Variants in ITGAE observed in about 807,000 individuals in gnomAD.
ITGAE encodes the protein integrin subunit alpha E.
ITGAE carries 99 observed loss-of-function variants against 136.5 expected under a neutral mutation model. The observed-to-expected ratio is 0.73, with a 90% CI of 0.62 to 0.86. The LOEUF (loss-of-function observed/expected upper bound fraction) is 0.86, where lower values mean the gene tolerates loss of function less well. Among genes scored for constraint, ITGAE ranks in the 40% least tolerant of loss-of-function variants. ITGAE has a pLI of 0.00. For synonymous variants in ITGAE, 613 were observed against 591.8 expected (o/e 1.04, Z -0.52); for missense variants, 1,447 against 1,515.3 (o/e 0.95, Z 0.75).
rs752060300 is a variant in ITGAE, at chr17:3,753,779, G to T, written c.1527+4C>A. ...AAGGGGTGGAGGCTTTCCCCAGCAG[G>T]TACCTGCTCTCCCTCCAGCACTGGC... On this transcript the variant is annotated splice_donor_region_variant and intron_variant, in intron 13 of 30. Transcript: ENST00000263087. 17 of 1,614,106 alleles carry T rather than the reference G, an allele frequency of 1.1e-5. No individual in the cohort carries two copies. The highest frequency in any genetic ancestry group is 1.7e-4 in the Middle Eastern group (1 of 6,060).
In ITGAE at chr17:3,798,483, G is replaced by A. The variant is rs920497800; in HGVS notation, c.34+2628C>T. Reference sequence around the variant, plus strand: ...TGGTCCCTCCTATCCCCCCTGCACAGAAGGCCCCTCTGCTCACCCCCAGCC... The same window carrying A: ...TGGTCCCTCCTATCCCCCCTGCACAAAAGGCCCCTCTGCTCACCCCCAGCC... On this transcript the variant is annotated intron_variant, in intron 1 of 30. Coordinates refer to ENST00000263087, the MANE Select transcript of ITGAE (RefSeq NM_002208.5). This position sits in a 1 kb window ranked among gnomAD's most constrained non-coding sequence, Gnocchi z 4.3. Among the ~76,000 whole-genome samples, 1 of 152,016 alleles carries A rather than the reference G, an allele frequency of 6.6e-6. No individual in the cohort carries two copies. The highest frequency in any genetic ancestry group is 1.5e-5 in the Non-Finnish European group (1 of 67,988).
chr17:3,757,635 C>G, intron 9 of ITGAE, 71 bp downstream of exon 9: 1 of 1,540,308 alleles, frequency 6.5e-7, no homozygotes, highest in South Asian at 1.2e-5. Context: ...AAGCCCCCAT[C>G]GACAACCCTG....
chr17:3,782,111 C>T (rs2143361904), intron 1 of ITGAE, among the ~76,000 whole-genome samples: 1 of 151,582 alleles, frequency 6.6e-6, no homozygotes. Flanking sequence ...ACTGTCTCTA[C>T]TAAAAATACA....
chr17:3,729,731 A>G, intron 23 of ITGAE, 176 bp from the exon 24 acceptor site: 1 of 564,276 alleles, frequency 1.8e-6, no homozygotes, highest in Non-Finnish European at 3.3e-6. Flanking sequence ...AGTAGCTGGA[A>G]TTACAGGCGT....
intron 1 of ITGAE, among the ~76,000 whole-genome samples, chr17:3,778,722 A>G (rs1336801405): frequency 6.6e-6 from 1 of 152,176 alleles, no homozygotes; most frequent in Non-Finnish European, 1.5e-5. Flanking sequence ...ATTGGTTCTC[A>G]AAGTGTCCCT....
intron 2 of ITGAE, among the ~76,000 whole-genome samples, chr17:3,775,894 C>G (rs551108181): frequency 1.3e-5 from 2 of 152,062 alleles, no homozygotes; most frequent in Non-Finnish European, 2.9e-5. Flanking sequence ...AGGTGGTGAT[C>G]GCAATTCACA....
Position 3,761,447 on chromosome 17 carries a change from C to A in ITGAE, c.389G>T (p.Gly130Val). Residue 130 changes from glycine to valine, a missense_variant, in exon 5 of 31, where the codon GGC (glycine) becomes GTC (valine). Around this residue, in one of 3 missense-constraint regions of ITGAE, gnomAD observed 310 missense variants for 416.1 expected, o/e 0.74. Coordinates refer to ENST00000263087, the MANE Select transcript of ITGAE (RefSeq NM_002208.5). ...SELTGTCSLL[G>V]PDLRPQAQAN... is the part of the protein sequence containing the mutation. ...CTGAGCCTGGGGACGGAGGTCAGGGCCCAGGAGGCTACAGGTGCCTGTGAG... is the reference window on the plus strand; with the variant it reads ...CTGAGCCTGGGGACGGAGGTCAGGGACCAGGAGGCTACAGGTGCCTGTGAG... 1 of 1,613,994 alleles carries A rather than the reference C, an allele frequency of 6.2e-7. No homozygotes were observed. The highest frequency in any genetic ancestry group is 8.5e-7 in the Non-Finnish European group (1 of 1,179,990).
At chr17:3,795,925 G>A (rs974927925) in intron 1 of ITGAE, among the ~76,000 whole-genome samples, 1 of 145,624 alleles carries the variant, frequency 6.9e-6, no homozygotes, top group South Asian at 2.2e-4. Context: ...CCGTGTGTGT[G>A]CATCCGTGTG....
At chr17:3,784,658 G>T (rs1297784906) in intron 1 of ITGAE, among the ~76,000 whole-genome samples, 1 of 152,146 alleles carries the variant, frequency 6.6e-6, no homozygotes, top group East Asian at 1.9e-4. Flanking sequence ...CTCCTAAAGT[G>T]CTGGGATTAC....
intron 19 of ITGAE, among the ~76,000 whole-genome samples, chr17:3,742,456 G>GTTTTTTTTT (rs568033494): frequency 7.5e-6 from 1 of 134,178 alleles, no homozygotes; most frequent in African/African-American, 2.8e-5. Context: ...AAGGTTTGTG[G>GTTTTTTTTT]TTTTTTTTTT....
Position 3,755,103 on chromosome 17 carries a change from G to GGCCCCGCCCTCATCAGGTT in ITGAE, c.1384+13_1384+14insAACCTGATGAGGGCGGGGC. On this transcript the variant is annotated intron_variant, in intron 12 of 30. Transcript: ENST00000263087. ...TCAGGTGGCCCCGCCCTCATCAGGT[G>GGCCCCGCCCTCATCAGGTT]GCCCCGCCCTCACCCAGGTAGCTGT... 6.3e-7 allele frequency: 1 copy of GGCCCCGCCCTCATCAGGTT among 1,580,636 alleles called. No homozygotes were observed. The highest frequency in any genetic ancestry group is 2.3e-5 in the East Asian group (1 of 42,988).
At chr17:3,775,666 G>T (rs928102992) in intron 2 of ITGAE, among the ~76,000 whole-genome samples, 1 of 150,406 alleles carries the variant, frequency 6.6e-6, no homozygotes, top group African/African-American at 2.5e-5. Context: ...ACGGGGTTTC[G>T]CCAGGTTGGC....
At chr17:3,790,316 A>T (rs1355239954) in intron 1 of ITGAE, among the ~76,000 whole-genome samples, 1 of 152,102 alleles carries the variant, frequency 6.6e-6, no homozygotes, top group East Asian at 1.9e-4. Flanking sequence ...AGACCAGCCC[A>T]GCCAACACAG....
intron 2 of ITGAE, among the ~76,000 whole-genome samples, chr17:3,765,786 C>G (rs2052284250): frequency 6.6e-6 from 1 of 152,202 alleles, no homozygotes; most frequent in Non-Finnish European, 1.5e-5. Context: ...CCTTCGCGGT[C>G]TGACCTCTAT....
At position 3,799,719 on chromosome 17, in the gene ITGAE, C is replaced by G. The variant is rs764230112; in HGVS notation, c.34+1392G>C. ...GCCACAAGCCATAAAAAGAGTGAGACTCTCTCCACACCCCACATGTAACTA... is the reference window on the plus strand; with the variant it reads ...GCCACAAGCCATAAAAAGAGTGAGAGTCTCTCCACACCCCACATGTAACTA... On this transcript the variant is annotated intron_variant, in intron 1 of 30. Transcript: ENST00000263087. The surrounding 1 kb of genome is among the most constrained non-coding windows in gnomAD (Gnocchi z 4.1). Among the ~76,000 whole-genome samples the G allele has an allele frequency of 5.3e-5, 8 of 152,170 alleles. No homozygotes were observed. Among genetic ancestry groups the G allele is most frequent in the Non-Finnish European group, 1.2e-4 (8 of 68,032 alleles).
In ITGAE at chr17:3,761,035, T is replaced by TTCC; in HGVS notation, c.573_575dup (p.Glu192dup). On this transcript the variant is annotated inframe_insertion, in exon 6 of 31. Coordinates refer to ENST00000263087, the MANE Select transcript of ITGAE (RefSeq NM_002208.5). ...CACCAGCTTCCTCCTCCTCCTCGTC[T>TTCC]TCCTCCTCCTCCTTGTCTTCCTCCT... 6.2e-7 allele frequency: 1 copy of TTCC among 1,603,428 alleles called. No individual in the cohort carries two copies. The highest frequency in any genetic ancestry group is 8.5e-7 in the Non-Finnish European group (1 of 1,178,584).
intron 26 of ITGAE, chr17:3,724,820 A>G: frequency 6.2e-7 from 1 of 1,614,196 alleles, no homozygotes; most frequent in South Asian, 1.1e-5. Context: ...GGAGGGCCAC[A>G]GGCCAGGACT....
At position 3,757,865 on chromosome 17, in the gene ITGAE, C is replaced by A. The variant is rs764383389; in HGVS notation, c.867-6G>T. The A allele has an allele frequency of 5.6e-6, 9 of 1,613,970 alleles. No individual in the cohort carries two copies. In the South Asian group the frequency reaches 8.8e-5, roughly 16 times the overall value. The stretch of plus-strand genomic sequence containing the variant: ...TTGAGGTGAAGATGCTGTCTCTAAG[C>A]AGGGGAGAGTAAATGAAGAAGAGAG... On this transcript the variant is annotated splice_region_variant and splice_polypyrimidine_tract_variant and intron_variant, in intron 8 of 30. Transcript: ENST00000263087.
chr17:3,728,368 C>CTTTTTTTTTTTTTTTTTTTTT, intron 24 of ITGAE, 200 bp from the exon 25 acceptor site: 1 of 165,536 alleles, frequency 6.0e-6, no homozygotes, highest in Non-Finnish European at 1.1e-5. Context: ...ACACTCATCC[C>CTTTTTTTTTTTTTTTTTTTTT]TTTTTTTTTT....
Sources: gnomAD v4.1 joint callset for allele counts (sites outside exome capture counted in the v4.1 genomes callset) on GRCh38, gnomAD v4.1.1 for gene constraint, gnomAD v4.1.1 regional missense constraint, Gnocchi (gnomAD v3.1) non-coding constraint, MANE v1.5 for transcripts, NCBI Gene and HGNC (gene_info 2026-07-23, HGNC 2026-07-21) for gene names.